ASCC3: variants seen among roughly 807,000 people sequenced by gnomAD.
ASCC3 encodes ASC-1 complex subunit P200.
In ASCC3, 158 loss-of-function variants were observed where a neutral mutation model predicts 256.3. The observed-to-expected ratio is 0.62, with a 90% CI of 0.54 to 0.70. The LOEUF (loss-of-function observed/expected upper bound fraction) is 0.70, where lower values mean the gene tolerates loss of function less well. ASCC3 is among the 30% of genes least tolerant of loss of function. ASCC3 has a pLI of 0.00. For synonymous variants in ASCC3, 948 were observed against 883.4 expected, an observed-to-expected ratio of 1.07 and a Z score of -1.30; for missense variants, 2,259 against 2,626.0, an observed-to-expected ratio of 0.86 and a Z score of 3.05.
rs1441625601 is a variant in ASCC3 at position 100,723,884 on chromosome 6, A to T, written c.1902+1655T>A. ...ATTATATATATATATATATATATATATATATATATATATTTATAATTATAT... is the reference window on the plus strand; with the variant it reads ...ATTATATATATATATATATATATATTTATATATATATATTTATAATTATAT... On this transcript the variant is annotated intron_variant, in intron 11 of 41. Coordinates refer to ENST00000369162, the MANE Select transcript of ASCC3 (RefSeq NM_006828.4). Among the ~76,000 whole-genome samples, 3 of 137,682 alleles carry T rather than the reference A, an allele frequency of 2.2e-5. No homozygotes were observed. The East Asian group carries it at 6.7e-4, about 31-fold the overall frequency. 90.3% of individuals were successfully genotyped at this position (137,682 alleles called of 152,430 possible).
At chr6:100,877,139 T>C (rs1198709525) in intron 1 of ASCC3, among the ~76,000 whole-genome samples, 1 of 152,138 alleles carries the variant, frequency 6.6e-6, no homozygotes, top group East Asian at 1.9e-4. Context: ...TTTTTCGTTA[T>C]AAAAATATGA....
At chr6:100,788,789 T>C (rs963411342) in intron 8 of ASCC3, among the ~76,000 whole-genome samples, 1 of 152,006 alleles carries the variant, frequency 6.6e-6, no homozygotes, top group Non-Finnish European at 1.5e-5. Flanking sequence ...ATGATACTTA[T>C]ATGACATTTT....
chr6:100,766,565 C>A lies in ASCC3; in HGVS notation c.1737G>T (p.Gln579His). The A allele has an allele frequency of 6.2e-7, 1 of 1,613,854 alleles. No homozygotes were observed. The highest frequency in any genetic ancestry group is 8.5e-7 in the Non-Finnish European group (1 of 1,179,902). The change falls in exon 10 of 42, where the codon CAG becomes CAT. Residue 579 changes from glutamine (Q) to histidine (H), a missense_variant and splice_region_variant. Gln to His is a conservative substitution (Grantham distance 24). Around this residue, in one of 2 missense-constraint regions of ASCC3, gnomAD observed 1,839 missense variants for 2,206.7 expected, o/e 0.83. Transcript: ENST00000369162. The part of the protein sequence containing the change: ...QLSKSEILRT[Q>H]MLVTTPEKWD... ...CAAAAAATCTAGGTAAACAACATAC[C>A]TGAGTTCGTAAAATTTCACTTTTGG...
At chr6:100,585,149 C>T (rs1212498839) in intron 36 of ASCC3, among the ~76,000 whole-genome samples, 3 of 152,184 alleles carry the variant, frequency 2.0e-5, no homozygotes, top group African/African-American at 7.2e-5. Flanking sequence ...TGGGGAAGTT[C>T]TCCTGGATAA....
chr6:100,677,168 AC>A (rs1213922412), intron 14 of ASCC3, among the ~76,000 whole-genome samples: 2 of 152,170 alleles, frequency 1.3e-5, no homozygotes, highest in Admixed American at 6.5e-5. Flanking sequence ...GGAATGTACT[AC>A]TAGCACTAGA....
chr6:100,790,935 C>T (rs1769323469), intron 8 of ASCC3, among the ~76,000 whole-genome samples: 1 of 151,744 alleles, frequency 6.6e-6, no homozygotes. Flanking sequence ...AGGTTTTGGG[C>T]ATACAGACAA....
chr6:100,644,582 C>T (rs550758696), intron 22 of ASCC3, among the ~76,000 whole-genome samples: 1 of 152,084 alleles, frequency 6.6e-6, no homozygotes, highest in Non-Finnish European at 1.5e-5. Flanking sequence ...TTATCCATTT[C>T]AATGTCTTTC....
intron 14 of ASCC3, among the ~76,000 whole-genome samples, chr6:100,674,804 T>C (rs548779837): frequency 9.2e-5 from 14 of 152,168 alleles, no homozygotes; most frequent in African/African-American, 3.4e-4. Flanking sequence ...TGGCTTTTTT[T>C]GTATTTTTAG....
chr6:100,672,638 T>C lies in ASCC3; in HGVS notation c.2286+6980A>G, dbSNP rs9485291. 5.5e-3 allele frequency among the ~76,000 whole-genome samples: 842 copies of C among 152,256 alleles called. 10 individuals are homozygous for C. Among genetic ancestry groups the C allele is most frequent in the African/African-American group, 0.02 (813 of 41,580 alleles). On this transcript the variant is annotated intron_variant, in intron 14 of 41. Coordinates refer to ENST00000369162, the MANE Select transcript of ASCC3 (RefSeq NM_006828.4). The stretch of plus-strand genomic sequence containing the variant: ...AGGCATCTGTAGTAATAGCTGTGGC[T>C]TTTAAACTGCTAATCACCATCATGT...
chr6:100,680,901 GT>G, intron 13 of ASCC3, among the ~76,000 whole-genome samples: 1 of 152,256 alleles, frequency 6.6e-6, no homozygotes, highest in African/African-American at 2.4e-5. Flanking sequence ...ATTGTATCTA[GT>G]CAGGGAATCG....
intron 2 of ASCC3, among the ~76,000 whole-genome samples, chr6:100,866,322 G>A (rs1773476675): frequency 6.6e-6 from 1 of 152,162 alleles, no homozygotes; most frequent in Non-Finnish European, 1.5e-5. Context: ...TGACATGAAT[G>A]GCTACAGCTT....
rs770080777 is a variant in ASCC3 at position 100,659,318 on chromosome 6, T to C, written c.2703+2488A>G. On this transcript the variant is annotated intron_variant, in intron 16 of 41. Coordinates refer to ENST00000369162, the MANE Select transcript of ASCC3 (RefSeq NM_006828.4). ...CAATTTCACACTTGATTTCCACAGA[T>C]AGCCAAATTTAATTTCACATTCAAC... is the stretch of plus-strand genomic sequence containing the variant. Among the ~76,000 whole-genome samples the C allele has an allele frequency of 2.4e-4, 37 of 151,482 alleles. 1 individual carries two copies. The highest frequency in any genetic ancestry group is 1.0e-4 in the Non-Finnish European group (7 of 67,532).
chr6:100,774,183 C>T (rs533165797), intron 8 of ASCC3, among the ~76,000 whole-genome samples: 2 of 152,234 alleles, frequency 1.3e-5, no homozygotes, highest in South Asian at 4.1e-4. Flanking sequence ...TCTGAGATAG[C>T]GTCTTGCTCT....
At chr6:100,598,339 AAG>A (rs1451207317) in intron 34 of ASCC3, among the ~76,000 whole-genome samples, 1 of 152,152 alleles carries the variant, frequency 6.6e-6, no homozygotes, top group Non-Finnish European at 1.5e-5. Flanking sequence ...CCTACAGCTA[AAG>A]AGGTGTGAAC....
At chr6:100,748,739 T>C (rs1780800123) in intron 10 of ASCC3, among the ~76,000 whole-genome samples, 1 of 152,060 alleles carries the variant, frequency 6.6e-6, no homozygotes, top group South Asian at 2.1e-4. Flanking sequence ...GAAAATAATC[T>C]TAATCTTATT....
rs1582649064 is a variant in ASCC3 at position 100,659,496 on chromosome 6, C to A, written c.2703+2310G>T. On this transcript the variant is annotated intron_variant, in intron 16 of 41. Transcript: ENST00000369162. ...GATATATGTTTTATTATTTAAATAC[C>A]ATTTACATCACTAAATGGAATTATG... Among the ~76,000 whole-genome samples, 2 of 151,348 alleles carry A rather than the reference C, an allele frequency of 1.3e-5. 1 individual carries two copies. The highest frequency in any genetic ancestry group is 1.3e-4 in the Admixed American group (2 of 15,156).
chr6:100,854,492 C>T (rs1360085685), intron 3 of ASCC3, among the ~76,000 whole-genome samples: 1 of 151,914 alleles, frequency 6.6e-6, no homozygotes, highest in Non-Finnish European at 1.5e-5. Context: ...AAAACTGTTG[C>T]CTTTGGGATG....
chr6:100,570,205 T>C (rs1478748536), intron 36 of ASCC3, among the ~76,000 whole-genome samples: 3 of 152,176 alleles, frequency 2.0e-5, no homozygotes, highest in African/African-American at 7.2e-5. Flanking sequence ...GTTTTCTAAG[T>C]ATATAATCAT....
At chr6:100,628,709 T>C (rs941002897) in intron 27 of ASCC3, among the ~76,000 whole-genome samples, 10 of 152,262 alleles carry the variant, frequency 6.6e-5, no homozygotes, top group Admixed American at 3.9e-4. Flanking sequence ...GTACAAGCTG[T>C]AGAATCTTGA....
Sources: gnomAD v4.1 joint callset for allele counts (sites outside exome capture counted in the v4.1 genomes callset) on GRCh38, gnomAD v4.1.1 for gene constraint, gnomAD v4.1.1 regional missense constraint, MANE v1.5 for transcripts, NCBI Gene and HGNC (gene_info 2026-07-23, HGNC 2026-07-21) for gene names.